The following SLC17A3 variants were observed in gnomAD, a reference collection of about 807,000 sequenced individuals.
SLC17A3 encodes the protein sodium-dependent phosphate transport protein 4.
In SLC17A3, 61 loss-of-function variants were observed where a neutral mutation model predicts 60.3. The ratio of observed to expected loss-of-function variants is 1.01; its 90% CI spans 0.82 to 1.25. SLC17A3 has a LOEUF of 1.25. Ranked by LOEUF, SLC17A3 falls within the 50% of genes most tolerant of loss-of-function variation. SLC17A3 has a pLI of 0.00. For missense variants in SLC17A3, 624 were observed against 594.9 expected (o/e 1.05, Z -0.51); for synonymous variants, 192 against 208.9 (o/e 0.92, Z 0.70).
At chr6:25,866,666 C>T (rs1435760629) in intron 2 of SLC17A3, among the ~76,000 whole-genome samples, 1 of 151,816 alleles carries the variant, frequency 6.6e-6, no homozygotes, top group Non-Finnish European at 1.5e-5. Flanking sequence ...AAAATATTTG[C>T]ATTACAAAAT....
At chr6:25,873,998 C>T (rs1439091318) in intron 1 of SLC17A3, among the ~76,000 whole-genome samples, 169 bp downstream of exon 1, 1 of 152,136 alleles carries the variant, frequency 6.6e-6, no homozygotes, top group Non-Finnish European at 1.5e-5. Flanking sequence ...AGCTTCCTGC[C>T]ACTTCTCCCT....
intron 2 of SLC17A3, among the ~76,000 whole-genome samples, chr6:25,865,356 A>G (rs984025380): frequency 2.0e-5 from 3 of 152,124 alleles, no homozygotes; most frequent in South Asian, 2.1e-4. Context: ...GCTATCTTCT[A>G]TTGATGAAGT....
intron 9 of SLC17A3, 44 bp downstream of exon 9, chr6:25,850,004 T>G: frequency 6.2e-7 from 1 of 1,613,958 alleles, no homozygotes. Flanking sequence ...TCTTTGGCTG[T>G]TGTATGCTAC....
In SLC17A3 at chr6:25,860,846, T is replaced by A. The variant is rs78089882; in HGVS notation, c.625+778A>T. 3.9e-3 allele frequency among the ~76,000 whole-genome samples: 588 copies of A among 152,280 alleles called. 14 individuals are homozygous for A. Among genetic ancestry groups the A allele is most frequent in the East Asian group, 0.027 (142 of 5,174 alleles). Reference sequence around the variant, plus strand: ...TTTCTTGTGCTGTATTCTGAGATAATCCCTCAGTGTGATAAACAAAGTGAA... The same window carrying A: ...TTTCTTGTGCTGTATTCTGAGATAAACCCTCAGTGTGATAAACAAAGTGAA... On this transcript the variant is annotated intron_variant, in intron 5 of 12. Coordinates refer to ENST00000397060, the MANE Select transcript of SLC17A3 (RefSeq NM_001098486.2).
At chr6:25,853,708 G>A (rs908824599) in intron 6 of SLC17A3, among the ~76,000 whole-genome samples, 3 of 151,934 alleles carry the variant, frequency 2.0e-5, no homozygotes, top group African/African-American at 4.8e-5. Flanking sequence ...GTGAGCCACC[G>A]CACCCGGCCT....
chr6:25,868,898 G>A (rs1765585209), intron 1 of SLC17A3, among the ~76,000 whole-genome samples: 1 of 151,912 alleles, frequency 6.6e-6, no homozygotes, highest in Non-Finnish European at 1.5e-5. Flanking sequence ...ATAGCAGTGG[G>A]TCACCTCAGA....
chr6:25,847,777 A>G (rs549666044), intron 11 of SLC17A3, among the ~76,000 whole-genome samples: 3 of 151,870 alleles, frequency 2.0e-5, no homozygotes, highest in Non-Finnish European at 4.4e-5. Flanking sequence ...TTTTTGGGGA[A>G]CAGGTGATAT....
At chr6:25,856,075 G>C (rs1765351589) in intron 5 of SLC17A3, among the ~76,000 whole-genome samples, 1 of 152,164 alleles carries the variant, frequency 6.6e-6, no homozygotes, top group Admixed American at 6.5e-5. Context: ...TCAAAGTCTA[G>C]ATCAAAGGCT....
At chr6:25,867,638 A>T (rs1222375403) in intron 2 of SLC17A3, among the ~76,000 whole-genome samples, 11 of 151,884 alleles carry the variant, frequency 7.2e-5, no homozygotes. Flanking sequence ...ACAAAAGAAA[A>T]CCCTACAAAT....
chr6:25,846,334 C>T (rs1173682183), intron 11 of SLC17A3, among the ~76,000 whole-genome samples: 4 of 152,012 alleles, frequency 2.6e-5, no homozygotes, highest in Admixed American at 2.6e-4. Flanking sequence ...CTCAAATGTC[C>T]ATAAAAGTAC....
At chr6:25,853,406 GTTTTTTTTTTTT>G (rs70977233) in intron 6 of SLC17A3, among the ~76,000 whole-genome samples, 3 of 58,726 alleles carry the variant, frequency 5.1e-5, no homozygotes, top group Admixed American at 4.8e-4. Flanking sequence ...ATTTCTGCAT[GTTTTTTTTTTTT>G]TTTTTTTTTT....
intron 5 of SLC17A3, among the ~76,000 whole-genome samples, chr6:25,859,949 C>G (rs1169710813): frequency 2.0e-5 from 3 of 152,148 alleles, no homozygotes; most frequent in Non-Finnish European, 2.9e-5. Context: ...GTGAGCCTAT[C>G]TGTTCTATGA....
chr6:25,858,657 G>T (rs1765399185), intron 5 of SLC17A3, among the ~76,000 whole-genome samples: 1 of 152,078 alleles, frequency 6.6e-6, no homozygotes, highest in East Asian at 1.9e-4. Flanking sequence ...CAGGACCAGG[G>T]CTTTAAATAC....
intron 2 of SLC17A3, among the ~76,000 whole-genome samples, chr6:25,865,797 A>G (rs546701485): frequency 6.6e-6 from 1 of 151,852 alleles, no homozygotes. Context: ...TGTCTGTTAA[A>G]TTTTTTTGTG....
intron 1 of SLC17A3, 76 bp from the exon 2 acceptor site, chr6:25,868,496 A>C: frequency 2.0e-6 from 2 of 999,784 alleles, no homozygotes; most frequent in Non-Finnish European, 3.1e-6. Context: ...AAACAAGGGC[A>C]CCAAGGAAAA....
intron 10 of SLC17A3, 114 bp downstream of exon 10, chr6:25,849,691 T>C (rs1765238061): frequency 1.6e-6 from 2 of 1,240,150 alleles, no homozygotes; most frequent in Non-Finnish European, 2.4e-6. Flanking sequence ...CACAGGTCTA[T>C]CTGTGGTTCT....
intron 5 of SLC17A3, among the ~76,000 whole-genome samples, chr6:25,860,736 C>G (rs1259912129): frequency 6.6e-6 from 1 of 152,188 alleles, no homozygotes; most frequent in Non-Finnish European, 1.5e-5. Context: ...TCTATATACT[C>G]AGAAAGGGAG....
intron 2 of SLC17A3, among the ~76,000 whole-genome samples, chr6:25,865,043 T>C (rs370776634): frequency 6.6e-6 from 1 of 151,906 alleles, no homozygotes; most frequent in South Asian, 2.1e-4. Flanking sequence ...ATGTCTGTGA[T>C]AGGTCATGTA....
intron 6 of SLC17A3, among the ~76,000 whole-genome samples, chr6:25,854,414 TC>T (rs139318506): frequency 0.089 from 13,602 of 152,174 alleles, 770 homozygotes; most frequent in Non-Finnish European, 0.12. Context: ...TATTAATATA[TC>T]CCCCCAGTTT....
Sources: allele counts gnomAD v4.1 joint callset (sites outside exome capture counted in the v4.1 genomes callset), GRCh38; gene constraint gnomAD v4.1.1; transcripts MANE v1.5; gene names NCBI Gene and HGNC (gene_info 2026-07-23, HGNC 2026-07-21).